SMARCD3: variants seen among roughly 807,000 people sequenced by gnomAD.
SMARCD3 encodes SWI/SNF-related matrix-associated actin-dependent regulator of chromatin subfamily D member 3.
Under a neutral mutation model 58.0 loss-of-function variants are expected in SMARCD3, and 14 were observed. The ratio of observed to expected loss-of-function variants is 0.24; its 90% CI spans 0.16 to 0.38. The LOEUF (loss-of-function observed/expected upper bound fraction) is 0.38. SMARCD3 is among the 10% of genes least tolerant of loss of function. SMARCD3 has a pLI of 1.00. For missense variants in SMARCD3, 408 were observed against 636.9 expected, an observed-to-expected ratio of 0.64 and a Z score of 3.87; for synonymous variants, 253 against 253.8, an observed-to-expected ratio of 1.00 and a Z score of 0.03.
At chr7:151,255,423 G>T (rs1803669048) in intron 2 of SMARCD3, among the ~76,000 whole-genome samples, 2 of 152,132 alleles carry the variant, frequency 1.3e-5, no homozygotes, top group African/African-American at 4.8e-5. Flanking sequence ...CAGAGCCCTG[G>T]CTCTGCATCT....
chr7:151,245,380 CGCTACTCGCTTACCTGGTCCCT>C lies in SMARCD3; in HGVS notation c.290+58_290+79del. 1 of 521,656 alleles carries C rather than the reference CGCTACTCGCTTACCTGGTCCCT, an allele frequency of 1.9e-6. No homozygotes were observed. The highest frequency in any genetic ancestry group is 4.5e-5 in the Admixed American group (1 of 22,222). The allele number at this position is 521,656 out of a possible 1,614,324, so 32.3% of individuals were successfully genotyped here. ...ATTCTTCCTCGCCCCTTCCAATCCC[CGCTACTCGCTTACCTGGTCCCT>C]GCGGGTCCCCCAGGGCCCGCCCCTG... On this transcript the variant is annotated intron_variant, in intron 2 of 12. Coordinates refer to ENST00000262188, the MANE Select transcript of SMARCD3 (RefSeq NM_001003801.2). The surrounding 1 kb of genome is among the most constrained non-coding windows in gnomAD (Gnocchi z 6.2).
chr7:151,271,860 G>A (rs925274136), intron 2 of SMARCD3, among the ~76,000 whole-genome samples: 3 of 152,166 alleles, frequency 2.0e-5, no homozygotes, highest in Non-Finnish European at 4.4e-5. Context: ...TACTCAGGAG[G>A]CTAAAGCAGG....
intron 2 of SMARCD3, among the ~76,000 whole-genome samples, chr7:151,270,329 G>C (rs1206934079): frequency 1.3e-5 from 2 of 152,070 alleles, no homozygotes; most frequent in African/African-American, 4.8e-5. Flanking sequence ...GTGGTGTAGA[G>C]AGGGTGAGGC....
At chr7:151,252,050 C>A (rs1409032162), upstream of SMARCD3, among the ~76,000 whole-genome samples, 1 of 151,894 alleles carries the variant, frequency 6.6e-6, no homozygotes, top group Non-Finnish European at 1.5e-5. Context: ...GCCGGGGAGG[C>A]GGCGGAGGGA....
chr7:151,256,501 GTAAATCC>G (rs1803703155), intron 2 of SMARCD3, among the ~76,000 whole-genome samples: 2 of 152,052 alleles, frequency 1.3e-5, no homozygotes, highest in African/African-American at 4.8e-5. Flanking sequence ...CTCTTAAGAG[GTAAATCC>G]AGCTTCACCA....
At chr7:151,252,995 G>A (rs1270086124), upstream of SMARCD3, among the ~76,000 whole-genome samples, 1 of 152,194 alleles carries the variant, frequency 6.6e-6, no homozygotes, top group South Asian at 2.1e-4. Context: ...ATAATGGTGC[G>A]ACCTTGGGCA....
chr7:151,249,324 T>A (rs1263018058), upstream of SMARCD3: 3 of 152,206 alleles, frequency 2.0e-5, no homozygotes, highest in Non-Finnish European at 4.4e-5. The surrounding 1 kb of genome is among the most constrained non-coding windows in gnomAD (Gnocchi z 4.8). Context: ...CGCGCCCTTT[T>A]GTGGCGTGGC....
At chr7:151,247,666 G>A (rs1173186624) in intron 1 of SMARCD3, among the ~76,000 whole-genome samples, 4 of 151,824 alleles carry the variant, frequency 2.6e-5, no homozygotes, top group African/African-American at 4.8e-5. Context: ...CCCAAGAGTC[G>A]CAGCCCCTGC....
intron 2 of SMARCD3, among the ~76,000 whole-genome samples, chr7:151,261,047 C>T (rs923320255): frequency 2.6e-5 from 4 of 152,112 alleles, no homozygotes; most frequent in South Asian, 2.1e-4. Flanking sequence ...AAGGGGTGGG[C>T]GGTGGGGAGG....
At chr7:151,252,880 T>G (rs1333536281), upstream of SMARCD3, among the ~76,000 whole-genome samples, 2 of 152,188 alleles carry the variant, frequency 1.3e-5, no homozygotes, top group Non-Finnish European at 1.5e-5. Context: ...AAGGGGGCTG[T>G]CTCTCTGTGT....
At position 151,242,441 on chromosome 7, in the gene SMARCD3, C is replaced by G. The variant is rs1290008087; in HGVS notation, c.579+40G>C. ...GTTCTGTTCTCAGTGCAGCCCATGC[C>G]CACCCCAGGACACCTGGAGAGACCT... On this transcript the variant is annotated intron_variant, in intron 5 of 12. Coordinates refer to ENST00000262188, the MANE Select transcript of SMARCD3 (RefSeq NM_001003801.2). The surrounding 1 kb of genome is among the most constrained non-coding windows in gnomAD (Gnocchi z 4.7). 3.1e-6 allele frequency: 5 copies of G among 1,605,298 alleles called. No individual in the cohort carries two copies. Among genetic ancestry groups the G allele is most frequent in the African/African-American group, 1.3e-5 (1 of 74,786 alleles).
chr7:151,256,634 C>G (rs1190603766), intron 2 of SMARCD3, among the ~76,000 whole-genome samples: 2 of 152,166 alleles, frequency 1.3e-5, no homozygotes, highest in Non-Finnish European at 2.9e-5. Context: ...GCCCGGCAGG[C>G]CACTCTTCTC....
rs1295064879 is a variant in SMARCD3 at position 151,241,760 on chromosome 7, C to T, written c.778-107G>A. Reference sequence around the variant, plus strand: ...ATGTGTTGATTGAGGAAACATGCCCCTGGGGAAGGATAGGTTTGGGAGGGG... The same window carrying T: ...ATGTGTTGATTGAGGAAACATGCCCTTGGGGAAGGATAGGTTTGGGAGGGG... On this transcript the variant is annotated intron_variant, in intron 7 of 12. Transcript: ENST00000262188. The surrounding 1 kb of genome is among the most constrained non-coding windows in gnomAD (Gnocchi z 5.3). 2.2e-6 allele frequency: 3 copies of T among 1,393,012 alleles called. No homozygotes were observed. Among genetic ancestry groups the T allele is most frequent in the Admixed American group, 1.9e-5 (1 of 51,298 alleles). The allele number at this position is 1,393,012 out of a possible 1,614,324, so 86.3% of individuals were successfully genotyped here.
chr7:151,243,789 C>T lies in SMARCD3; in HGVS notation c.291-88G>A, dbSNP rs572750070. The T allele has an allele frequency of 5.8e-5, 54 of 934,084 alleles. No individual in the cohort carries two copies. The highest frequency in any genetic ancestry group is 1.4e-4 in the South Asian group (11 of 77,220). 57.9% of individuals were successfully genotyped at this position (934,084 alleles called of 1,614,324 possible). A position where few individuals can be genotyped will look rare whatever the true frequency, so the allele number is the denominator to read the frequency against. On this transcript the variant is annotated intron_variant, in intron 2 of 12. Coordinates refer to ENST00000262188, the MANE Select transcript of SMARCD3 (RefSeq NM_001003801.2). This position sits in a 1 kb window ranked among gnomAD's most constrained non-coding sequence, Gnocchi z 4.4. ...ACCTGCTAGATTATCCCGACATCTC[C>T]GCCCGCCTGGCTGGGGTTCCCACAG...
intron 2 of SMARCD3, among the ~76,000 whole-genome samples, chr7:151,255,356 G>T (rs538000405): frequency 6.6e-6 from 1 of 152,260 alleles, no homozygotes; most frequent in African/African-American, 2.4e-5. Flanking sequence ...TCCAGCAGTG[G>T]CTCGACCACT....
intron 2 of SMARCD3, among the ~76,000 whole-genome samples, chr7:151,267,038 C>T (rs976061722): frequency 6.6e-6 from 1 of 152,150 alleles, no homozygotes; most frequent in Admixed American, 6.5e-5. Context: ...CAGGAATTGG[C>T]GAACGATACA....
At chr7:151,254,046 G>A (rs536729177) in intron 2 of SMARCD3, among the ~76,000 whole-genome samples, 2 of 152,230 alleles carry the variant, frequency 1.3e-5, no homozygotes, top group African/African-American at 2.4e-5. Flanking sequence ...GCATGGCCTC[G>A]GGACTCATAG....
chr7:151,276,416 T>G (rs1449303102), intron 1 of SMARCD3, among the ~76,000 whole-genome samples: 18 of 57,324 alleles, frequency 3.1e-4, no homozygotes, highest in South Asian at 5.8e-4. Context: ...TGGGAGGAGG[T>G]GGTGCCAGAC....
In SMARCD3 at chr7:151,242,648, AC is replaced by A; in HGVS notation, c.457-46del. On this transcript the variant is annotated intron_variant, in intron 4 of 12. Coordinates refer to ENST00000262188, the MANE Select transcript of SMARCD3 (RefSeq NM_001003801.2). This position sits in a 1 kb window ranked among gnomAD's most constrained non-coding sequence, Gnocchi z 4.7. ...AACCGGGCGAATGCTGTGTGCTCCCACCCCGACCACCCTGCTTCCCCATCCT... is the reference window on the plus strand; with the variant it reads ...AACCGGGCGAATGCTGTGTGCTCCCACCCGACCACCCTGCTTCCCCATCCT... 6.2e-7 allele frequency: 1 copy of A among 1,611,918 alleles called. No individual in the cohort carries two copies. Among genetic ancestry groups the A allele is most frequent in the Non-Finnish European group, 8.5e-7 (1 of 1,178,338 alleles).
Sources: gnomAD v4.1 joint callset for allele counts (sites outside exome capture counted in the v4.1 genomes callset) on GRCh38, gnomAD v4.1.1 for gene constraint, Gnocchi (gnomAD v3.1) non-coding constraint, MANE v1.5 for transcripts, NCBI Gene and HGNC (gene_info 2026-07-23, HGNC 2026-07-21) for gene names.